Variants in BICDL1 observed in about 807,000 individuals in gnomAD.
BICDL1 encodes the protein BICD family like cargo adaptor 1, also known as BICD family-like cargo adapter 1.
BICDL1 carries 20 observed loss-of-function variants against 76.8 expected under a neutral mutation model. The ratio of observed to expected loss-of-function variants is 0.26; its 90% CI spans 0.18 to 0.38. BICDL1 has a LOEUF of 0.38. BICDL1 is among the 10% of genes least tolerant of loss of function. The pLI is 1.00. For synonymous variants in BICDL1, 383 were observed against 337.1 expected (o/e 1.14, Z -1.49); for missense variants, 700 against 798.6 (o/e 0.88, Z 1.49).
At chr12:120,054,660 T>C (rs775213749) in intron 2 of BICDL1, among the ~76,000 whole-genome samples, 11 of 152,056 alleles carry the variant, frequency 7.2e-5, no homozygotes, top group Non-Finnish European at 8.8e-5. Flanking sequence ...GCGGATCACT[T>C]GAGATCAGGA....
chr12:120,042,816 A>AG (rs1189574001), intron 2 of BICDL1, among the ~76,000 whole-genome samples: 1 of 152,002 alleles, frequency 6.6e-6, no homozygotes, highest in Admixed American at 6.6e-5. Context: ...AAAAAAAAAA[A>AG]AAAGACGAAG....
Position 120,093,177 on chromosome 12 carries a change from G to C in BICDL1, c.*16G>C, listed in dbSNP as rs774042185. 5.1e-6 allele frequency: 8 copies of C among 1,570,880 alleles called. No homozygotes were observed. In the African/African-American group the frequency reaches 1.1e-4, roughly 21 times the overall value. ...GAAAATTTAAGTTGGGAGGAGTCAG[G>C]CCACCAAAGATGGGTGGACTGGAGG... On this transcript the variant is annotated 3_prime_UTR_variant, in exon 10 of 10. Transcript: ENST00000548673.
intron 4 of BICDL1, among the ~76,000 whole-genome samples, chr12:120,066,533 G>A (rs1268716180): frequency 6.6e-6 from 1 of 152,138 alleles, no homozygotes; most frequent in Non-Finnish European, 1.5e-5. Flanking sequence ...CTTTAGCAGC[G>A]AGAATCCCGT....
intron 2 of BICDL1, among the ~76,000 whole-genome samples, chr12:120,043,400 A>G (rs1274919448): frequency 6.6e-6 from 1 of 152,214 alleles, no homozygotes; most frequent in Admixed American, 6.5e-5. Flanking sequence ...ATCAAATGAG[A>G]ATGACTTTAT....
Position 120,094,227 on chromosome 12 carries a change from C to T in BICDL1, c.*1066C>T, listed in dbSNP as rs1234266488. ...GGCCCCAACTCAGAGGCTCCGCGGCCCGGCCAGCCCTCAGCTGCTCACAAC... is the reference window on the plus strand; with the variant it reads ...GGCCCCAACTCAGAGGCTCCGCGGCTCGGCCAGCCCTCAGCTGCTCACAAC... On this transcript the variant is annotated 3_prime_UTR_variant, in exon 10 of 10. Transcript: ENST00000548673. 2 of 456,486 alleles carry T rather than the reference C, an allele frequency of 4.4e-6. No individual in the cohort carries two copies. Among genetic ancestry groups the T allele is most frequent in the Non-Finnish European group, 8.8e-6 (2 of 226,912 alleles). 28.3% of individuals were successfully genotyped at this position (456,486 alleles called of 1,614,324 possible). A position where few individuals can be genotyped will look rare whatever the true frequency, so the allele number is the denominator to read the frequency against.
At chr12:120,046,743 G>A (rs1014413716) in intron 2 of BICDL1, among the ~76,000 whole-genome samples, 2 of 152,154 alleles carry the variant, frequency 1.3e-5, no homozygotes, top group Non-Finnish European at 2.9e-5. Context: ...GTTAACATAG[G>A]GGATAGTGTC....
intron 3 of BICDL1, among the ~76,000 whole-genome samples, chr12:120,062,976 A>T (rs1215135065): frequency 2.0e-5 from 3 of 152,146 alleles, no homozygotes; most frequent in Non-Finnish European, 4.4e-5. Context: ...CAGGGTGTAT[A>T]GCGCTGGGTG....
chr12:119,989,843 C>G lies in BICDL1; in HGVS notation c.-26C>G, dbSNP rs1397272550. 1.5e-6 allele frequency: 2 copies of G among 1,291,890 alleles called. No homozygotes were observed. Among genetic ancestry groups the G allele is most frequent in the African/African-American group, 1.6e-5 (1 of 62,780 alleles). 80.0% of individuals were successfully genotyped at this position (1,291,890 alleles called of 1,614,324 possible). On this transcript the variant is annotated 5_prime_UTR_variant, in exon 1 of 10. Coordinates refer to ENST00000548673, the MANE Select transcript of BICDL1 (RefSeq NM_001367886.1). The stretch of plus-strand genomic sequence containing the variant: ...CTGGCGCGCGCGGGCCGGGCCGCAC[C>G]GCTGCGGGCTCCGCGCGCGCGGGCC...
At chr12:119,990,908 T>C (rs1181234332) in intron 1 of BICDL1, among the ~76,000 whole-genome samples, 1 of 152,276 alleles carries the variant, frequency 6.6e-6, no homozygotes, top group African/African-American at 2.4e-5. Context: ...AGTATTTATG[T>C]GTATTTAAAC....
chr12:119,990,348 G>T lies in BICDL1; in HGVS notation c.429+51G>T, dbSNP rs765550412. 9.7e-6 allele frequency: 15 copies of T among 1,539,106 alleles called. No homozygotes were observed. In the East Asian group the frequency reaches 1.5e-4, roughly 15 times the overall value. ...TGGGGAGCAGGGGCCGCCCAGGCAC[G>T]CGCCCGGCCCTGGGCAGTTAGGGAA... On this transcript the variant is annotated intron_variant, in intron 1 of 9. Coordinates refer to ENST00000548673, the MANE Select transcript of BICDL1 (RefSeq NM_001367886.1).
intron 1 of BICDL1, among the ~76,000 whole-genome samples, chr12:119,997,759 A>G (rs1333616549): frequency 6.6e-6 from 1 of 151,990 alleles, no homozygotes; most frequent in Non-Finnish European, 1.5e-5. Context: ...AAATTCTGTG[A>G]TAGTAAGAAT....
intron 4 of BICDL1, among the ~76,000 whole-genome samples, chr12:120,065,719 G>A (rs1266775609): frequency 6.6e-6 from 1 of 152,224 alleles, no homozygotes; most frequent in Non-Finnish European, 1.5e-5. Context: ...TCAGCCAGGT[G>A]TACTCAAGCA....
chr12:120,062,946 C>A (rs1953137903), intron 3 of BICDL1, among the ~76,000 whole-genome samples: 1 of 152,130 alleles, frequency 6.6e-6, no homozygotes, highest in Non-Finnish European at 1.5e-5. Flanking sequence ...ATGTTTATTG[C>A]CAGATTTTTT....
intron 2 of BICDL1, among the ~76,000 whole-genome samples, chr12:120,008,647 T>G (rs931760757): frequency 1.1e-4 from 16 of 152,214 alleles, no homozygotes; most frequent in African/African-American, 3.9e-4. Flanking sequence ...TTGATTTGGT[T>G]GATTTTTTGG....
chr12:120,058,584 T>A (rs1953032130), intron 2 of BICDL1, among the ~76,000 whole-genome samples: 1 of 151,822 alleles, frequency 6.6e-6, no homozygotes, highest in South Asian at 2.1e-4. Context: ...CTGTTAAAAT[T>A]TTTTTCTTTT....
At chr12:120,057,009 C>T in intron 2 of BICDL1, 1 of 500,320 alleles carries the variant, frequency 2.0e-6, no homozygotes, top group Non-Finnish European at 4.0e-6. Flanking sequence ...GTCCTCTCGC[C>T]CACGCAGGTG....
chr12:120,036,842 C>T (rs1409723880), intron 2 of BICDL1, among the ~76,000 whole-genome samples: 1 of 152,164 alleles, frequency 6.6e-6, no homozygotes, highest in Non-Finnish European at 1.5e-5. Flanking sequence ...TGCCACTGTG[C>T]TCCAGCCTGG....
chr12:120,092,278 A>G (rs1875037853), intron 9 of BICDL1: 1 of 985,422 alleles, frequency 1.0e-6, no homozygotes, highest in East Asian at 1.1e-4. Flanking sequence ...GTGGGGAGGA[A>G]GGCATTTTCT....
At chr12:120,091,924 A>G (rs1875009398) in intron 9 of BICDL1, 1 of 985,228 alleles carries the variant, frequency 1.0e-6, no homozygotes, top group Non-Finnish European at 1.2e-6. Context: ...TGCCCTGAAC[A>G]CAGGCCTCAC....
Sources: gnomAD v4.1 joint callset for allele counts (sites outside exome capture counted in the v4.1 genomes callset) on GRCh38, gnomAD v4.1.1 for gene constraint, MANE v1.5 for transcripts, NCBI Gene and HGNC (gene_info 2026-07-23, HGNC 2026-07-21) for gene names.